FANCM: variants seen among roughly 807,000 people sequenced by gnomAD.
FANCM encodes the protein FA complementation group M, also known as Fanconi anemia group M protein.
In FANCM, 140 loss-of-function variants were observed where a neutral mutation model predicts 199.5. The observed-to-expected ratio is 0.70, with a 90% CI of 0.61 to 0.81. The LOEUF is 0.81. Ranked by LOEUF, FANCM falls within the 30% of genes least tolerant of loss-of-function variation. The pLI, the probability that FANCM is intolerant of heterozygous loss-of-function variation, is 0.00. For synonymous variants in FANCM, 840 were observed against 836.8 expected (o/e 1.00, Z -0.07); for missense variants, 2,410 against 2,421.4 (o/e 1.00, Z 0.10).
intron 20 of FANCM, among the ~76,000 whole-genome samples, chr14:45,190,717 T>A: frequency 6.6e-6 from 1 of 150,978 alleles, no homozygotes. Context: ...TTGCAAATTG[T>A]CCCCATTTTT....
chr14:45,175,468 A>C lies in FANCM; in HGVS notation c.2714A>C (p.Glu905Ala). 1 of 1,608,884 alleles carries C rather than the reference A, an allele frequency of 6.2e-7. No homozygotes were observed. Among genetic ancestry groups the C allele is most frequent in the South Asian group, 1.1e-5 (1 of 89,758 alleles). ...PNDKRTSDTD[E>A]IAATCTINEN... ...GATAAAAGGACATCAGATACAGATG[A>C]AATTGCTGCCACATGTACTATTAAT... is the stretch of plus-strand genomic sequence containing the variant. Residue 905 changes from glutamate (E) to alanine (A), a missense_variant, in exon 14 of 23, where the codon GAA (glutamate) becomes GCA (alanine). Physicochemically the swap from Glu to Ala is moderately radical, Grantham distance 107. Coordinates refer to ENST00000267430, the MANE Select transcript of FANCM (RefSeq NM_020937.4).
Position 45,154,735 on chromosome 14 carries a change from G to C in FANCM, c.1222G>C (p.Asp408His), listed in dbSNP as rs199929558. The part of the protein sequence containing the change: ...RSKNELGRNE[D>H]FMKLYNHLEC... ...AAAAAATGAACTTGGCCGAAATGAAGACTTCATGAAACTCTATAATCATCT... is the reference window on the plus strand; with the variant it reads ...AAAAAATGAACTTGGCCGAAATGAACACTTCATGAAACTCTATAATCATCT... The change falls in exon 7 of 23, where the codon GAC becomes CAC. Residue 408 changes from aspartate (D) to histidine (H), a missense_variant. Coordinates refer to ENST00000267430, the MANE Select transcript of FANCM (RefSeq NM_020937.4). The C allele has an allele frequency of 8.5e-5, 136 of 1,603,374 alleles. No individual in the cohort carries two copies. The highest frequency in any genetic ancestry group is 1.0e-4 in the Non-Finnish European group (123 of 1,172,750).
chr14:45,192,215 T>C lies in FANCM; in HGVS notation c.5340+2853T>C, dbSNP rs574969043. On this transcript the variant is annotated intron_variant, in intron 20 of 22. Transcript: ENST00000267430. ...AAAGAGCCAGTCATCTGCAAAATCATGTTTTCTTGAAACAATTACAGAGCT... is the reference window on the plus strand; with the variant it reads ...AAAGAGCCAGTCATCTGCAAAATCACGTTTTCTTGAAACAATTACAGAGCT... 9.2e-5 allele frequency among the ~76,000 whole-genome samples: 14 copies of C among 152,336 alleles called. No individual in the cohort carries two copies. The South Asian group carries it at 2.9e-3, about 32-fold the overall frequency.
intron 20 of FANCM, among the ~76,000 whole-genome samples, chr14:45,193,371 C>A (rs1889880232): frequency 6.6e-6 from 1 of 152,172 alleles, no homozygotes; most frequent in African/African-American, 2.4e-5. Flanking sequence ...AACACTAATT[C>A]CATACTCCTA....
In FANCM at chr14:45,183,894, C is replaced by A; in HGVS notation, c.4507C>A (p.His1503Asn). 1 of 1,609,398 alleles carries A rather than the reference C, an allele frequency of 6.2e-7. No homozygotes were observed. Among genetic ancestry groups the A allele is most frequent in the Non-Finnish European group, 8.5e-7 (1 of 1,176,424 alleles). ...CATCAAAGTCCCAAAGAGACAGAGTCACTTAAAGGTAATCTTTTTTTTAGT... is the reference window on the plus strand; with the variant it reads ...CATCAAAGTCCCAAAGAGACAGAGTAACTTAAAGGTAATCTTTTTTTTAGT... ...RGIKVPKRQS[H>N]LKHVARKFLD... Residue 1503 changes from histidine (H) to asparagine (N), a missense_variant, in exon 17 of 23, where the codon CAC becomes AAC. By Grantham distance (68) the His-to-Asn change is moderately conservative. Coordinates refer to ENST00000267430, the MANE Select transcript of FANCM (RefSeq NM_020937.4).
At position 45,148,940 on chromosome 14, in the gene FANCM, AGCTTATTGTTCCGCTTG is replaced by A; in HGVS notation, c.865_881del (p.Leu289Ter). The A allele has an allele frequency of 6.2e-7, 1 of 1,613,952 alleles. No individual in the cohort carries two copies. The highest frequency in any genetic ancestry group is 1.3e-5 in the African/African-American group (1 of 75,056). ...TATTCTCATGAAAGAAAAGTTGAAA[AGCTTATTGTTCCGCTTG>A]GTGAAGAACTTGCAGCCATCCAAAA... On this transcript the variant is annotated frameshift_variant, in exon 4 of 23. Coordinates refer to ENST00000267430, the MANE Select transcript of FANCM (RefSeq NM_020937.4). LOFTEE classifies it high-confidence loss of function.
At chr14:45,189,837 G>A (rs77049837) in intron 20 of FANCM, among the ~76,000 whole-genome samples, 12,904 of 151,868 alleles carry the variant, frequency 0.085, 713 homozygotes, top group South Asian at 0.18. Flanking sequence ...GTGTGGTTGC[G>A]TATCCCTGTA....
chr14:45,163,610 T>G (rs145454490), intron 9 of FANCM, among the ~76,000 whole-genome samples: 1 of 152,210 alleles, frequency 6.6e-6, no homozygotes, highest in Non-Finnish European at 1.5e-5. Flanking sequence ...AGGTAAGATA[T>G]GACTTCTAAG....
intron 9 of FANCM, among the ~76,000 whole-genome samples, chr14:45,161,021 A>T (rs1887568081): frequency 6.6e-6 from 1 of 152,166 alleles, no homozygotes; most frequent in African/African-American, 2.4e-5. Flanking sequence ...ATATGTATGA[A>T]TGAAAAATGA....
At position 45,136,381 on chromosome 14, in the gene FANCM, A is replaced by G. The variant is rs762982849; in HGVS notation, c.350A>G (p.Lys117Arg). 1.2e-6 allele frequency: 2 copies of G among 1,614,028 alleles called. No individual in the cohort carries two copies. Among genetic ancestry groups the G allele is most frequent in the Admixed American group, 1.7e-5 (1 of 60,004 alleles). ...TLVCLPTGLG[K>R]TFIAAVVMYN... ...GTGTGTCTGCCTACCGGACTGGGAAAGACCTTTATTGCCGCCGTGGTCATG... is the reference window on the plus strand; with the variant it reads ...GTGTGTCTGCCTACCGGACTGGGAAGGACCTTTATTGCCGCCGTGGTCATG... Residue 117 changes from lysine (K) to arginine (R), a missense_variant, in exon 1 of 23, where the codon AAG becomes AGG. Transcript: ENST00000267430.
intron 20 of FANCM, 91 bp from the exon 21 acceptor site, chr14:45,196,081 C>T: frequency 7.4e-7 from 1 of 1,351,778 alleles, no homozygotes. Context: ...ACTGGACATT[C>T]TCATTAAGGA....
intron 9 of FANCM, among the ~76,000 whole-genome samples, chr14:45,162,809 C>CA (rs1175173706): frequency 1.3e-5 from 2 of 151,944 alleles, no homozygotes; most frequent in African/African-American, 4.8e-5. Flanking sequence ...AGAAAATTGA[C>CA]ATTCTTTATT....
Position 45,200,046 on chromosome 14 carries a change from C to G in FANCM, c.*38C>G, listed in dbSNP as rs1890278903. The G allele has an allele frequency of 1.3e-6, 2 of 1,485,454 alleles. No individual in the cohort carries two copies. Among genetic ancestry groups the G allele is most frequent in the Admixed American group, 1.7e-5 (1 of 59,138 alleles). 92.0% of individuals were successfully genotyped at this position (1,485,454 alleles called of 1,614,324 possible). A position where few individuals can be genotyped will look rare whatever the true frequency, so the allele number is the denominator to read the frequency against. On this transcript the variant is annotated 3_prime_UTR_variant, in exon 23 of 23. Coordinates refer to ENST00000267430, the MANE Select transcript of FANCM (RefSeq NM_020937.4). ...AGATGGGGTTTTCAAAGACCTCTCA[C>G]AATATTAAATGCACTTCAATAATCA... is the stretch of plus-strand genomic sequence containing the variant.
chr14:45,169,264 C>T (rs563051415), intron 11 of FANCM, among the ~76,000 whole-genome samples: 13 of 151,958 alleles, frequency 8.6e-5, no homozygotes, highest in African/African-American at 2.2e-4. Flanking sequence ...CTGCCTATTT[C>T]GAAATCTTAG....
chr14:45,183,735 AT>A, intron 16 of FANCM, 38 bp from the exon 17 acceptor site: 3 of 1,506,362 alleles, frequency 2.0e-6, no homozygotes, highest in Non-Finnish European at 9.2e-7. Flanking sequence ...GGAAGAAAAT[AT>A]TTTTTTCTTA....
rs747009303 is a variant in FANCM, at chr14:45,176,244, A to C, written c.3490A>C (p.Lys1164Gln). ...SKSESLPVSD[K>Q]TAISETPLVS... ...AAGCGAATCTTTACCTGTGTCAGAC[A>C]AAACTGCTATTAGTGAAACGCCTCT... Residue 1164 changes from lysine to glutamine, a missense_variant, in exon 14 of 23, where the codon AAA becomes CAA. Physicochemically the swap from Lys to Gln is moderately conservative, Grantham distance 53. Coordinates refer to ENST00000267430, the MANE Select transcript of FANCM (RefSeq NM_020937.4). 2.5e-6 allele frequency: 4 copies of C among 1,614,020 alleles called. No homozygotes were observed. In the African/African-American group the frequency reaches 5.3e-5, roughly 22 times the overall value.
intron 10 of FANCM, 51 bp downstream of exon 10, chr14:45,164,616 A>G (rs1887837652): frequency 2.9e-6 from 4 of 1,357,812 alleles, no homozygotes; most frequent in Non-Finnish European, 1.0e-6. Context: ...TGAGAAATAC[A>G]GCCCAAAGGT....
chr14:45,194,891 A>C (rs746096351), intron 20 of FANCM, among the ~76,000 whole-genome samples: 1 of 149,404 alleles, frequency 6.7e-6, no homozygotes, highest in Non-Finnish European at 1.5e-5. Context: ...GGCTCACTGC[A>C]ACTCCGCCTC....
chr14:45,137,041 G>C, intron 1 of FANCM, 28 bp from the exon 2 acceptor site: 1 of 1,555,842 alleles, frequency 6.4e-7, no homozygotes, highest in Non-Finnish European at 8.9e-7. Flanking sequence ...CTGAAGTTTA[G>C]AATGTAGAAT....
Sources: gnomAD v4.1 joint callset for allele counts (sites outside exome capture counted in the v4.1 genomes callset) on GRCh38, gnomAD v4.1.1 for gene constraint, MANE v1.5 for transcripts, NCBI Gene and HGNC (gene_info 2026-07-23, HGNC 2026-07-21) for gene names.